The following TTC39C variants were observed in gnomAD, a reference collection of about 807,000 sequenced individuals.
The protein encoded by TTC39C is tetratricopeptide repeat domain 39C.
Under a neutral mutation model 76.3 loss-of-function variants are expected in TTC39C, and 33 were observed. The observed-to-expected ratio is 0.43, with a 90% CI of 0.33 to 0.58. The LOEUF is 0.58. Ranked by LOEUF, TTC39C falls within the 20% of genes least tolerant of loss-of-function variation. TTC39C has a pLI of 0.04. For synonymous variants in TTC39C, 254 were observed against 260.6 expected (o/e 0.97, Z 0.24); for missense variants, 595 against 701.4 (o/e 0.85, Z 1.71).
chr18:24,129,888 A>G (rs546046203), intron 11 of TTC39C, among the ~76,000 whole-genome samples: 1 of 152,258 alleles, frequency 6.6e-6, no homozygotes, highest in Admixed American at 6.5e-5. Flanking sequence ...TATGATAGTT[A>G]TCACAGCCCT....
chr18:24,114,953 A>C (rs1005002957), intron 7 of TTC39C: 1 of 219,002 alleles, frequency 4.6e-6, no homozygotes, highest in African/African-American at 2.3e-5. Context: ...CCTCCTTCCC[A>C]CTAATGTTTA....
rs1484969369 is a variant in TTC39C at position 24,016,988 on chromosome 18, A to T, written c.167+1950A>T. Reference sequence around the variant, plus strand: ...GACTTAGTTTTTACTGTGGACCAGGACACAAACACTATAGTTCTAAATCAA... The same window carrying T: ...GACTTAGTTTTTACTGTGGACCAGGTCACAAACACTATAGTTCTAAATCAA... On this transcript the variant is annotated intron_variant, in intron 1 of 13. Transcript: ENST00000317571. Among the ~76,000 whole-genome samples, 26 of 152,342 alleles carry T rather than the reference A, an allele frequency of 1.7e-4. 1 individual carries two copies. In the South Asian group the frequency reaches 4.8e-3, roughly 28 times the overall value.
At chr18:24,014,645 C>T, upstream of TTC39C, 1 of 517,650 alleles carries the variant, frequency 1.9e-6, no homozygotes, top group Non-Finnish European at 2.8e-6. Flanking sequence ...CTGAGTAATC[C>T]CCGCGGCGGC....
At position 24,133,867 on chromosome 18, in the gene TTC39C, C is replaced by T. The variant is rs142542703; in HGVS notation, c.*1293C>T. On this transcript the variant is annotated 3_prime_UTR_variant, in exon 14 of 14. Coordinates refer to ENST00000317571, the MANE Select transcript of TTC39C (RefSeq NM_001135993.2). ...GCTAAAGGATATCATTTTAGGGTATCGTTTATTTACAAATTCTTTTGGCTG... is the reference window on the plus strand; with the variant it reads ...GCTAAAGGATATCATTTTAGGGTATTGTTTATTTACAAATTCTTTTGGCTG... 2 of 151,906 alleles carry T rather than the reference C, an allele frequency of 1.3e-5. No homozygotes were observed. Among genetic ancestry groups the T allele is most frequent in the East Asian group, 3.9e-4 (2 of 5,164 alleles). 9.4% of individuals were successfully genotyped at this position (151,906 alleles called of 1,614,324 possible).
At chr18:24,035,574 T>A (rs1371825615) in intron 1 of TTC39C, among the ~76,000 whole-genome samples, 1 of 152,236 alleles carries the variant, frequency 6.6e-6, no homozygotes, top group Non-Finnish European at 1.5e-5. Flanking sequence ...TTGTATATAT[T>A]CTTTGGAGAA....
At position 24,133,664 on chromosome 18, in the gene TTC39C, G is replaced by A. The variant is rs1355085372; in HGVS notation, c.*1090G>A. 1 of 152,108 alleles carries A rather than the reference G, an allele frequency of 6.6e-6. No homozygotes were observed. Among genetic ancestry groups the A allele is most frequent in the Non-Finnish European group, 1.5e-5 (1 of 68,016 alleles). The allele number at this position is 152,108 out of a possible 1,614,324, so 9.4% of individuals were successfully genotyped here. The stretch of plus-strand genomic sequence containing the variant: ...CTCAGGTTATTTAGATATTATACAA[G>A]GAATTCAAAGTTATTTTTTTATTCT... On this transcript the variant is annotated 3_prime_UTR_variant, in exon 14 of 14. Coordinates refer to ENST00000317571, the MANE Select transcript of TTC39C (RefSeq NM_001135993.2).
rs1445898214 is a variant in TTC39C at position 24,132,488 on chromosome 18, G to T, written c.1666G>T (p.Asp556Tyr). 6.8e-6 allele frequency: 11 copies of T among 1,613,766 alleles called. No homozygotes were observed. Among genetic ancestry groups the T allele is most frequent in the Non-Finnish European group, 7.6e-6 (9 of 1,179,922 alleles). Residue 556 changes from aspartate (D) to tyrosine (Y), a missense_variant, in exon 14 of 14, where the codon GAT becomes TAT. By Grantham distance (160) the Asp-to-Tyr change is radical (BLOSUM62 -3). Coordinates refer to ENST00000317571, the MANE Select transcript of TTC39C (RefSeq NM_001135993.2). ...ATATCTTTCTTTGATCTTACAGGAGGATTTCTCTGGCTACGACTTTGAAAA... is the reference window on the plus strand; with the variant it reads ...ATATCTTTCTTTGATCTTACAGGAGTATTTCTCTGGCTACGACTTTGAAAA... The part of the protein sequence containing the change: ...GRALLLQAKE[D>Y]FSGYDFENRL...
chr18:24,061,794 C>T (rs1463621463), intron 1 of TTC39C, among the ~76,000 whole-genome samples: 1 of 152,136 alleles, frequency 6.6e-6, no homozygotes, highest in African/African-American at 2.4e-5. Flanking sequence ...ATCCCAGCTA[C>T]TCGGGAGGCT....
chr18:24,107,895 G>T (rs370449420), intron 6 of TTC39C, among the ~76,000 whole-genome samples: 4 of 151,186 alleles, frequency 2.6e-5, no homozygotes, highest in South Asian at 2.1e-4. Context: ...AGTAGGGGGG[G>T]GGGTACAGGC....
intron 1 of TTC39C, among the ~76,000 whole-genome samples, chr18:24,030,711 C>T (rs1009968353): frequency 2.4e-5 from 3 of 123,892 alleles, no homozygotes; most frequent in African/African-American, 8.8e-5. Context: ...AGTGCAGTGG[C>T]ATGATCTAGA....
chr18:24,032,351 G>A (rs897810084), intron 1 of TTC39C, among the ~76,000 whole-genome samples: 4 of 152,100 alleles, frequency 2.6e-5, no homozygotes, highest in Non-Finnish European at 4.4e-5. Flanking sequence ...GCATAGCTTG[G>A]GCCTGCTTGG....
chr18:24,001,041 A>G (rs941860301), intron 1 of TTC39C, among the ~76,000 whole-genome samples: 9 of 152,058 alleles, frequency 5.9e-5, no homozygotes, highest in Admixed American at 6.5e-5. Flanking sequence ...TCATTCTAGA[A>G]CCTATGTAAA....
At chr18:24,072,512 G>T (rs548186687) in intron 4 of TTC39C, among the ~76,000 whole-genome samples, 2 of 152,198 alleles carry the variant, frequency 1.3e-5, no homozygotes, top group Non-Finnish European at 2.9e-5. Flanking sequence ...GGCCAGGCTG[G>T]TCTCGAACTC....
At position 24,022,574 on chromosome 18, in the gene TTC39C, G is replaced by C. The variant is rs73402242; in HGVS notation, c.167+7536G>C. On this transcript the variant is annotated intron_variant, in intron 1 of 13. Transcript: ENST00000317571. ...CAGTAAAAGGATTCACATGTGTCCTGTCAAAGCCATTTTGGGGCAAGTTCC... is the reference window on the plus strand; with the variant it reads ...CAGTAAAAGGATTCACATGTGTCCTCTCAAAGCCATTTTGGGGCAAGTTCC... The C allele has an allele frequency of 2.9e-3, 2,896 of 985,386 alleles. 55 individuals are homozygous for C. In the African/African-American group the frequency reaches 0.034, roughly 11 times the overall value. The allele number at this position is 985,386 out of a possible 1,614,324, so 61.0% of individuals were successfully genotyped here.
At chr18:24,111,681 G>T (rs2084812854) in intron 6 of TTC39C, among the ~76,000 whole-genome samples, 4 of 151,870 alleles carry the variant, frequency 2.6e-5, no homozygotes, top group Admixed American at 6.6e-5. Flanking sequence ...GATCACCTGA[G>T]CCCAGGAGTT....
intron 1 of TTC39C, among the ~76,000 whole-genome samples, chr18:23,995,176 A>C (rs2083251351): frequency 6.6e-6 from 1 of 152,174 alleles, no homozygotes; most frequent in Non-Finnish European, 1.5e-5. Context: ...ACTGTTAAAT[A>C]AATGGAATCG....
At chr18:23,994,150 A>G (rs2083241089) in intron 1 of TTC39C, 3 of 152,186 alleles carry the variant, frequency 2.0e-5, no homozygotes, top group Non-Finnish European at 2.9e-5. Flanking sequence ...ATTTTCTATT[A>G]TTTTCATTAT....
chr18:24,043,124 T>A (rs569433640), intron 1 of TTC39C, among the ~76,000 whole-genome samples: 1 of 152,292 alleles, frequency 6.6e-6, no homozygotes, highest in African/African-American at 2.4e-5. Context: ...ACTAAGTAGT[T>A]GAAAATAATG....
At chr18:24,117,712 A>C (rs1337373393) in intron 7 of TTC39C, among the ~76,000 whole-genome samples, 1 of 100,446 alleles carries the variant, frequency 1.0e-5, no homozygotes, top group African/African-American at 6.8e-5. Flanking sequence ...AAAAAAAAAG[A>C]AAAAAAAAAA....
Sources: allele counts gnomAD v4.1 joint callset (sites outside exome capture counted in the v4.1 genomes callset), GRCh38; gene constraint gnomAD v4.1.1; transcripts MANE v1.5; gene names NCBI Gene and HGNC (gene_info 2026-07-23, HGNC 2026-07-21).